The following TMCO5A variants were observed in gnomAD, a reference collection of about 807,000 sequenced individuals.
TMCO5A encodes transmembrane and coiled-coil domain-containing protein 5A.
A neutral mutation model predicts 42.3 loss-of-function variants in TMCO5A; 34 were observed. The ratio of observed to expected loss-of-function variants is 0.80; its 90% CI spans 0.61 to 1.07. The LOEUF (loss-of-function observed/expected upper bound fraction) is 1.07, where lower values mean the gene tolerates loss of function less well. TMCO5A is among the 50% of genes least tolerant of loss of function. TMCO5A has a pLI of 0.00. For synonymous variants in TMCO5A, 131 were observed against 115.6 expected, an observed-to-expected ratio of 1.13 and a Z score of -0.86; for missense variants, 357 against 327.9, an observed-to-expected ratio of 1.09 and a Z score of -0.69.
chr15:37,968,950 A>AG (rs1890620791), downstream of TMCO5A, among the ~76,000 whole-genome samples: 1 of 152,228 alleles, frequency 6.6e-6, no homozygotes, highest in Non-Finnish European at 1.5e-5. Flanking sequence ...TGAGGAAAAA[A>AG]GGGAAAGGAA....
the TMCO5A span, among the ~76,000 whole-genome samples, chr15:38,020,948 T>A: frequency 6.6e-6 from 1 of 152,182 alleles, no homozygotes; most frequent in East Asian, 1.9e-4. Context: ...AATCTGTTAA[T>A]GTATTCATGT....
chr15:38,033,207 T>A, the TMCO5A span, among the ~76,000 whole-genome samples: 2 of 152,302 alleles, frequency 1.3e-5, no homozygotes, highest in South Asian at 4.1e-4. Context: ...CTCTTACCCT[T>A]CTGCACTCTC....
chr15:38,016,785 G>T, the TMCO5A span, among the ~76,000 whole-genome samples: 1 of 152,136 alleles, frequency 6.6e-6, no homozygotes, highest in Non-Finnish European at 1.5e-5. Context: ...TCTGCCGCTT[G>T]CCTTAACACT....
chr15:37,943,335 T>C lies in TMCO5A; in HGVS notation c.570-6T>C, dbSNP rs746747760. The C allele has an allele frequency of 3.7e-6, 6 of 1,611,982 alleles. No individual in the cohort carries two copies. In the African/African-American group the frequency reaches 6.7e-5, roughly 18 times the overall value. On this transcript the variant is annotated splice_region_variant and splice_polypyrimidine_tract_variant and intron_variant, in intron 9 of 11. Coordinates refer to ENST00000319669, the MANE Select transcript of TMCO5A (RefSeq NM_152453.4). ...TCAATTTCTGTCCTGGCTGTTATCT[T>C]CATAGATCAAAACTCGTGAGCATGA...
the TMCO5A span, among the ~76,000 whole-genome samples, chr15:37,999,055 C>T: frequency 3.3e-5 from 5 of 152,062 alleles, no homozygotes; most frequent in Non-Finnish European, 7.4e-5. Context: ...TACAGGCATG[C>T]GCCACCATGC....
intron 11 of TMCO5A, among the ~76,000 whole-genome samples, chr15:37,965,161 C>T (rs191270789): frequency 6.6e-5 from 10 of 152,010 alleles, no homozygotes; most frequent in South Asian, 4.1e-4. Flanking sequence ...CAAACACGGC[C>T]GAAAGACAGT....
chr15:37,999,047 C>T, the TMCO5A span, among the ~76,000 whole-genome samples: 1 of 152,160 alleles, frequency 6.6e-6, no homozygotes, highest in African/African-American at 2.4e-5. Flanking sequence ...GCTGGAATTA[C>T]AGGCATGCGC....
the TMCO5A span, among the ~76,000 whole-genome samples, chr15:38,021,510 T>C: frequency 6.6e-6 from 1 of 152,024 alleles, no homozygotes; most frequent in Non-Finnish European, 1.5e-5. Flanking sequence ...GTATTCATAA[T>C]CTATTATTGG....
chr15:37,955,255 T>TAAA (rs55989832), downstream of TMCO5A, among the ~76,000 whole-genome samples: 72 of 106,238 alleles, frequency 6.8e-4, no homozygotes, highest in African/African-American at 2.0e-3. Context: ...ATTTAAAGAG[T>TAAA]AAAAAAAAAA....
chr15:38,007,420 A>G, the TMCO5A span, among the ~76,000 whole-genome samples: 1 of 152,354 alleles, frequency 6.6e-6, no homozygotes, highest in African/African-American at 2.4e-5. Flanking sequence ...CAGGAACCAC[A>G]GCAATTCAGG....
At chr15:37,954,748 A>C (rs566474877), downstream of TMCO5A, among the ~76,000 whole-genome samples, 10 of 152,250 alleles carry the variant, frequency 6.6e-5, no homozygotes, top group African/African-American at 2.2e-4. Flanking sequence ...AACTTTTCAA[A>C]ACATAGACAG....
the TMCO5A span, among the ~76,000 whole-genome samples, chr15:38,013,142 G>A: frequency 1.3e-5 from 2 of 152,170 alleles, no homozygotes. Flanking sequence ...TGAATTCACT[G>A]AAGGCTGTCA....
the TMCO5A span, among the ~76,000 whole-genome samples, chr15:38,023,996 C>T: frequency 6.6e-6 from 1 of 152,202 alleles, no homozygotes; most frequent in African/African-American, 2.4e-5. Context: ...GACATGGGAA[C>T]TCCTGTGGAA....
At chr15:38,017,910 G>A in the TMCO5A span, among the ~76,000 whole-genome samples, 1 of 152,126 alleles carries the variant, frequency 6.6e-6, no homozygotes, top group East Asian at 1.9e-4. Context: ...CATGAGATCT[G>A]GTTGTTTGAA....
At chr15:37,967,940 T>C (rs1255229704), downstream of TMCO5A, among the ~76,000 whole-genome samples, 3 of 152,200 alleles carry the variant, frequency 2.0e-5, no homozygotes, top group Non-Finnish European at 4.4e-5. Context: ...CGTGGTCAAG[T>C]AATTTATTGT....
chr15:37,937,406 G>C lies in TMCO5A; in HGVS notation c.315+10G>C. 6.2e-7 allele frequency: 1 copy of C among 1,612,866 alleles called. No homozygotes were observed. Among genetic ancestry groups the C allele is most frequent in the Non-Finnish European group, 8.5e-7 (1 of 1,179,266 alleles). On this transcript the variant is annotated intron_variant, in intron 5 of 11. Coordinates refer to ENST00000319669, the MANE Select transcript of TMCO5A (RefSeq NM_152453.4). The stretch of plus-strand genomic sequence containing the variant: ...AGAACTTCAACAAAAGGTGAGGTAG[G>C]GTACTTGTGTTCTCCAGTGCCCCCA...
At chr15:37,937,089 CATG>C in intron 4 of TMCO5A, 119 bp downstream of exon 4, 3 of 1,460,436 alleles carry the variant, frequency 2.1e-6, no homozygotes, top group Non-Finnish European at 2.8e-6. Context: ...TCTCAAAAGT[CATG>C]ATAAAATTTG....
At chr15:37,941,260 G>T (rs1889729854) in intron 7 of TMCO5A, 55 bp downstream of exon 7, 5 of 1,537,544 alleles carry the variant, frequency 3.3e-6, no homozygotes, top group African/African-American at 2.7e-5. Flanking sequence ...TGTGATCTTT[G>T]GTCAGGCAAT....
chr15:37,978,656 G>A, the TMCO5A span, among the ~76,000 whole-genome samples: 1 of 152,202 alleles, frequency 6.6e-6, no homozygotes, highest in African/African-American at 2.4e-5. Flanking sequence ...CCTTTCCAGG[G>A]AAATGCAGAG....
Sources: allele counts gnomAD v4.1 joint callset (sites outside exome capture counted in the v4.1 genomes callset), GRCh38; gene constraint gnomAD v4.1.1; transcripts MANE v1.5; gene names NCBI Gene and HGNC (gene_info 2026-07-23, HGNC 2026-07-21).